The following FAT4 variants were observed in gnomAD, a reference collection of about 807,000 sequenced individuals.
The protein encoded by FAT4 is FAT atypical cadherin 4.
A neutral mutation model predicts 303.9 loss-of-function variants in FAT4; 84 were observed. The observed-to-expected ratio is 0.28, with a 90% confidence interval of 0.23 to 0.33. The LOEUF is 0.33. Among genes scored for constraint, FAT4 ranks in the 10% least tolerant of loss-of-function variants. The probability of loss-of-function intolerance (pLI) is 1.00; values close to 1 mark genes in which losing one functional copy is unlikely to be tolerated. For synonymous variants in FAT4, 2,307 were observed against 2,298.8 expected (o/e 1.00, Z -0.10); for missense variants, 6,005 against 6,146.8 (o/e 0.98, Z 0.77).
intron 12 of FAT4, 135 bp from the exon 13 acceptor site, chr4:125,476,036 T>C (rs1727016949): frequency 2.2e-6 from 1 of 446,338 alleles, no homozygotes; most frequent in Admixed American, 3.5e-5. Context: ...TTATGTGATT[T>C]ATACATTAAA....
At chr4:125,341,427 A>G (rs1355794302) in intron 2 of FAT4, among the ~76,000 whole-genome samples, 1 of 152,134 alleles carries the variant, frequency 6.6e-6, no homozygotes, top group Non-Finnish European at 1.5e-5. Flanking sequence ...ATTAGTATAG[A>G]GACCTCAAGT....
At position 125,449,711 on chromosome 4, in the gene FAT4, C is replaced by T. The variant is rs139451014; in HGVS notation, c.8701C>T (p.Pro2901Ser). 2.5e-6 allele frequency: 4 copies of T among 1,613,886 alleles called. No individual in the cohort carries two copies. The East Asian group carries it at 6.7e-5, about 27-fold the overall frequency. The change falls in exon 10 of 18, where the codon CCT becomes TCT. Residue 2901 changes from proline to serine, a missense_variant. By Grantham distance (74) the Pro-to-Ser change is moderately conservative (BLOSUM62 -1). Coordinates refer to ENST00000394329, the MANE Select transcript of FAT4 (RefSeq NM_001291303.3). ...SKVTQVFATD[P>S]DEGSNGQVFY... ...AGTAACTCAGGTATTTGCAACAGAT[C>T]CTGATGAGGGATCAAATGGACAAGT...
chr4:125,449,410 T>A lies in FAT4; in HGVS notation c.8400T>A (p.Asp2800Glu). ...GYTVTRVTTS[D>E]EDIGINAISR... ...CAGTTACCCGTGTCACAACTTCTGA[T>A]GAAGACATTGGGATCAATGCAATTA... The change falls in exon 10 of 18, where the codon GAT becomes GAA. Residue 2800 changes from aspartate (D) to glutamate (E), a missense_variant. Physicochemically the swap from Asp to Glu is conservative, Grantham distance 45. Coordinates refer to ENST00000394329, the MANE Select transcript of FAT4 (RefSeq NM_001291303.3). 6.2e-7 allele frequency: 1 copy of A among 1,613,844 alleles called. No individual in the cohort carries two copies. The highest frequency in any genetic ancestry group is 2.2e-5 in the East Asian group (1 of 44,864).
At position 125,477,201 on chromosome 4, in the gene FAT4, T is replaced by C; in HGVS notation, c.12346T>C (p.Ser4116Pro). 6.7e-7 allele frequency: 1 copy of C among 1,485,222 alleles called. No individual in the cohort carries two copies. Among genetic ancestry groups the C allele is most frequent in the Non-Finnish European group, 9.0e-7 (1 of 1,109,972 alleles). The allele number at this position is 1,485,222 out of a possible 1,614,324, so 92.0% of individuals were successfully genotyped here. ...TAGAGTTACAGTTGGAGGTATCAGA[T>C]CTCTAGAACCAATCCTTCAGAGAAG... is the stretch of plus-strand genomic sequence containing the variant. ...PNRVTVGGIR[S>P]LEPILQRRGH... Residue 4116 changes from serine to proline, a missense_variant, in exon 14 of 18, where the codon TCT becomes CCT. Transcript: ENST00000394329.
chr4:125,355,873 T>A (rs1431543591), intron 2 of FAT4, among the ~76,000 whole-genome samples: 1 of 152,000 alleles, frequency 6.6e-6, no homozygotes, highest in Non-Finnish European at 1.5e-5. Context: ...GAAGCCATAT[T>A]GTCTCTTCCT....
At position 125,420,657 on chromosome 4, in the gene FAT4, G is replaced by A. The variant is rs185282178; in HGVS notation, c.7018+4035G>A. ...AGTGTTTAAAGCTTTGTGGTGTTTA[G>A]TGTGATGTGACAAATTGCAGTCACA... On this transcript the variant is annotated intron_variant, in intron 7 of 17. Coordinates refer to ENST00000394329, the MANE Select transcript of FAT4 (RefSeq NM_001291303.3). 3.9e-5 allele frequency among the ~76,000 whole-genome samples: 6 copies of A among 152,282 alleles called. No individual in the cohort carries two copies. In the East Asian group the frequency reaches 1.2e-3, roughly 29 times the overall value.
At chr4:125,399,659 T>C (rs1017448847) in intron 3 of FAT4, among the ~76,000 whole-genome samples, 2 of 151,854 alleles carry the variant, frequency 1.3e-5, no homozygotes, top group Non-Finnish European at 2.9e-5. Flanking sequence ...TTCTGTAACC[T>C]TAAAAATTTA....
At chr4:125,324,099 G>A (rs955033199) in intron 2 of FAT4, among the ~76,000 whole-genome samples, 2 of 152,092 alleles carry the variant, frequency 1.3e-5, no homozygotes, top group Non-Finnish European at 2.9e-5. Context: ...TGGTAGTAAT[G>A]TCATTGAAAG....
intron 14 of FAT4, 30 bp from the exon 15 acceptor site, chr4:125,479,711 C>T (rs770176615): frequency 1.3e-5 from 20 of 1,513,296 alleles, no homozygotes; most frequent in East Asian, 4.6e-5. Flanking sequence ...CTTTTATGTG[C>T]GTTATTGTTC....
intron 16 of FAT4, among the ~76,000 whole-genome samples, chr4:125,484,180 G>T (rs1560635386): frequency 6.6e-6 from 1 of 151,690 alleles, no homozygotes; most frequent in East Asian, 1.9e-4. Flanking sequence ...AGAGAGAGAG[G>T]GTGTCAGTGT....
At chr4:125,350,665 A>G (rs561588281) in intron 2 of FAT4, among the ~76,000 whole-genome samples, 2 of 151,722 alleles carry the variant, frequency 1.3e-5, no homozygotes, top group Non-Finnish European at 3.0e-5. Flanking sequence ...GCTGGCCTCC[A>G]GGAAGGCTTG....
Position 125,448,703 on chromosome 4 carries a change from G to T in FAT4, c.7693G>T (p.Asp2565Tyr), listed in dbSNP as rs755593093. 1 of 1,613,854 alleles carries T rather than the reference G, an allele frequency of 6.2e-7. No individual in the cohort carries two copies. Among genetic ancestry groups the T allele is most frequent in the Non-Finnish European group, 8.5e-7 (1 of 1,179,892 alleles). ...GACTGTTAGATTCGTGAATAAGGCC[G>T]ATTTCCCTAAAGTGAGAGCCAAAGA... ...TVTVRFVNKA[D>Y]FPKVRAKEQT... Residue 2565 changes from aspartate to tyrosine, a missense_variant, in exon 10 of 18, where the codon GAT (aspartate) becomes TAT (tyrosine). Transcript: ENST00000394329.
At position 125,353,925 on chromosome 4, in the gene FAT4, T is replaced by G. The variant is rs535989669; in HGVS notation, c.5175+32339T>G. Among the ~76,000 whole-genome samples, 18 of 151,814 alleles carry G rather than the reference T, an allele frequency of 1.2e-4. 1 individual carries two copies. The South Asian group carries it at 3.5e-3, about 30-fold the overall frequency. On this transcript the variant is annotated intron_variant, in intron 2 of 17. Coordinates refer to ENST00000394329, the MANE Select transcript of FAT4 (RefSeq NM_001291303.3). The stretch of plus-strand genomic sequence containing the variant: ...ATTTTCAATAATCTATCATCCTTAT[T>G]TAAAATTATTATACAATAAAAAATT...
In FAT4 at chr4:125,415,327, C is replaced by G; in HGVS notation, c.6364C>G (p.Leu2122Val). 2 of 1,613,990 alleles carry G rather than the reference C, an allele frequency of 1.2e-6. No homozygotes were observed. Among genetic ancestry groups the G allele is most frequent in the Non-Finnish European group, 1.7e-6 (2 of 1,179,952 alleles). ...LDREEVSNYTLTVVATDKGQP... is the reference protein window; with the variant it reads ...LDREEVSNYTVTVVATDKGQP... ...CAGAGAAGAAGTTTCTAATTATACT[C>G]TAACAGTGGTGGCTACAGACAAAGG... Residue 2122 changes from leucine (L) to valine (V), a missense_variant, in exon 6 of 18, where the codon CTA becomes GTA. Physicochemically the swap from Leu to Val is conservative, Grantham distance 32. Transcript: ENST00000394329.
chr4:125,349,457 G>A (rs547812836), intron 2 of FAT4, among the ~76,000 whole-genome samples: 1 of 151,564 alleles, frequency 6.6e-6, no homozygotes, highest in Non-Finnish European at 1.5e-5. Flanking sequence ...ATCAGAGTTG[G>A]TAGTTTTTGC....
intron 5 of FAT4, among the ~76,000 whole-genome samples, chr4:125,413,136 GT>G (rs1242931919): frequency 6.6e-6 from 1 of 151,482 alleles, no homozygotes; most frequent in Non-Finnish European, 1.5e-5. Flanking sequence ...GTATATTTAC[GT>G]TGTAATGAAA....
intron 15 of FAT4, among the ~76,000 whole-genome samples, chr4:125,480,706 CAT>C (rs1363983818): frequency 1.3e-5 from 2 of 151,812 alleles, no homozygotes; most frequent in East Asian, 3.9e-4. Flanking sequence ...ATAATGAAAA[CAT>C]AGAAAATATA....
At chr4:125,386,971 A>C (rs562963901) in intron 2 of FAT4, among the ~76,000 whole-genome samples, 17 of 152,228 alleles carry the variant, frequency 1.1e-4, no homozygotes, top group African/African-American at 3.6e-4. Context: ...CAGGCATTAG[A>C]TTCTCATAAA....
rs193039324 is a variant in FAT4 at position 125,448,049 on chromosome 4, A to G, written c.7451-412A>G. Reference sequence around the variant, plus strand: ...ATTGGAAGATATTTTAAGACACACTAGAGCAACGGTATCATTGCATTGGGT... The same window carrying G: ...ATTGGAAGATATTTTAAGACACACTGGAGCAACGGTATCATTGCATTGGGT... On this transcript the variant is annotated intron_variant, in intron 9 of 17. Transcript: ENST00000394329. 1.6e-4 allele frequency among the ~76,000 whole-genome samples: 25 copies of G among 152,220 alleles called. No homozygotes were observed. In the East Asian group the frequency reaches 4.8e-3, roughly 29 times the overall value.
Sources: allele counts gnomAD v4.1 joint callset (sites outside exome capture counted in the v4.1 genomes callset), GRCh38; gene constraint gnomAD v4.1.1; transcripts MANE v1.5; gene names NCBI Gene and HGNC (gene_info 2026-07-23, HGNC 2026-07-21).